Variants in ONECUT1 observed in about 807,000 individuals in gnomAD.
ONECUT1 encodes the protein hepatocyte nuclear factor 6.
ONECUT1 carries 12 observed loss-of-function variants against 25.6 expected under a neutral mutation model. The observed-to-expected ratio is 0.47, with a 90% CI of 0.30 to 0.76. The LOEUF is 0.76. Among genes scored for constraint, ONECUT1 ranks in the 30% least tolerant of loss-of-function variants. ONECUT1 has a pLI of 0.07. For missense variants in ONECUT1, 620 were observed against 651.2 expected (o/e 0.95, Z 0.52); for synonymous variants, 285 against 270.2 (o/e 1.05, Z -0.54).
At chr15:52,780,639 T>G in intron 1 of ONECUT1, 6 of 1,535,390 alleles carry the variant, frequency 3.9e-6, no homozygotes, top group Non-Finnish European at 5.2e-6. Flanking sequence ...TCGAATCGCT[T>G]TAGCCACTCC....
At chr15:52,758,826 T>G (rs999189764) in intron 1 of ONECUT1, among the ~76,000 whole-genome samples, 2 of 152,146 alleles carry the variant, frequency 1.3e-5, no homozygotes, top group African/African-American at 4.8e-5. Flanking sequence ...TCCACCCTAA[T>G]GAGGCTCACT....
At position 52,789,012 on chromosome 15, in the gene ONECUT1, C is replaced by T. The variant is rs1456018098; in HGVS notation, c.873G>A (p.Glu291=). The change falls in exon 1 of 2, where the codon GAG becomes GAA. Residue 291 remains glutamate (E), a synonymous_variant. Transcript: ENST00000305901. The surrounding 1 kb of genome is among the most constrained non-coding windows in gnomAD (Gnocchi z 4.1). The part of the protein sequence containing the change: ...SNGSNSGQME[E]INTKEVAQRI... ...GCTGCGCCACCTCTTTGGTATTGAT[C>T]TCTTCCATCTGCCCTGAATTACTTC... The T allele has an allele frequency of 4.4e-6, 7 of 1,608,820 alleles. No homozygotes were observed. The highest frequency in any genetic ancestry group is 1.3e-5 in the African/African-American group (1 of 74,936).
chr15:52,785,929 A>C (rs946751185), intron 1 of ONECUT1: 1 of 152,250 alleles, frequency 6.6e-6, no homozygotes, highest in Admixed American at 6.5e-5. Context: ...GCTGCCGGCA[A>C]CTGGAGGACA....
At chr15:52,774,900 T>A (rs1485114699) in intron 1 of ONECUT1, among the ~76,000 whole-genome samples, 2 of 152,230 alleles carry the variant, frequency 1.3e-5, no homozygotes, top group Non-Finnish European at 2.9e-5. Flanking sequence ...AGCTTGCATT[T>A]TGAACATCTT....
chr15:52,779,240 C>A (rs117167250), intron 1 of ONECUT1, among the ~76,000 whole-genome samples: 1 of 151,882 alleles, frequency 6.6e-6, no homozygotes, highest in Non-Finnish European at 1.5e-5. Context: ...CAGGCCACCA[C>A]ACCCGGCTAA....
chr15:52,776,429 A>C (rs535895086), intron 1 of ONECUT1, among the ~76,000 whole-genome samples: 56 of 152,040 alleles, frequency 3.7e-4, no homozygotes, highest in African/African-American at 1.3e-3. Flanking sequence ...TTTGCCACCC[A>C]TTTTCTCCAC....
rs777329404 is a variant in ONECUT1 at position 52,789,284 on chromosome 15, C to A, written c.601G>T (p.Ala201Ser). ...GTGGGCATGGCGGCCCCCGGGTGGG[C>A]ATAGTGGGGGAGCCCTTGCTGGGAG... ...HNSQQGLPHY[A>S]HPGAAMPTDK... Residue 201 changes from alanine to serine, a missense_variant, in exon 1 of 2, where the codon GCC becomes TCC. Physicochemically the swap from Ala to Ser is moderately conservative, Grantham distance 99. Transcript: ENST00000305901. The surrounding 1 kb of genome is among the most constrained non-coding windows in gnomAD (Gnocchi z 4.1). 3.9e-6 allele frequency: 6 copies of A among 1,553,230 alleles called. No homozygotes were observed. The East Asian group carries it at 9.0e-5, about 23-fold the overall frequency.
Position 52,757,360 on chromosome 15 carries a change from C to T in ONECUT1, c.*195G>A. 1.7e-6 allele frequency: 1 copy of T among 589,192 alleles called. No homozygotes were observed. The highest frequency in any genetic ancestry group is 2.9e-6 in the Non-Finnish European group (1 of 349,916). The allele number at this position is 589,192 out of a possible 1,614,324, so 36.5% of individuals were successfully genotyped here. A position where few individuals can be genotyped will look rare whatever the true frequency, so the allele number is the denominator to read the frequency against. ...ATCATTTGTCTTGCCAAGTCGCCGC[C>T]CTGCTGAAGTGTGTGTCTCCAAACA... On this transcript the variant is annotated 3_prime_UTR_variant, in exon 2 of 2. Transcript: ENST00000305901.
chr15:52,779,309 C>T (rs189624394), intron 1 of ONECUT1, among the ~76,000 whole-genome samples: 29 of 151,908 alleles, frequency 1.9e-4, no homozygotes, highest in Middle Eastern at 3.4e-3. Flanking sequence ...AGGATGGTCT[C>T]GATCTCCTGA....
chr15:52,765,851 A>G, intron 1 of ONECUT1, among the ~76,000 whole-genome samples: 1 of 152,268 alleles, frequency 6.6e-6, no homozygotes, highest in Middle Eastern at 3.2e-3. Flanking sequence ...GCAAATTCAG[A>G]GGGCACAGCC....
rs1420572285 is a variant in ONECUT1 at position 52,784,345 on chromosome 15, C to A, written c.1105+4435G>T. On this transcript the variant is annotated intron_variant, in intron 1 of 1. Transcript: ENST00000305901. This position sits in a 1 kb window ranked among gnomAD's most constrained non-coding sequence, Gnocchi z 5.0. ...GGGTCAGGCTGGTCGCCCCAGCTAC[C>A]GGGATCCCTCTCCGGATGCTTCCAG... Among the ~76,000 whole-genome samples, 2 of 152,216 alleles carry A rather than the reference C, an allele frequency of 1.3e-5. No individual in the cohort carries two copies. The highest frequency in any genetic ancestry group is 2.9e-5 in the Non-Finnish European group (2 of 68,042).
rs2141443449 is a variant in ONECUT1, at chr15:52,757,865, A to C, written c.1106-18T>G. 6.2e-7 allele frequency: 1 copy of C among 1,608,036 alleles called. No individual in the cohort carries two copies. Among genetic ancestry groups the C allele is most frequent in the Non-Finnish European group, 8.5e-7 (1 of 1,176,738 alleles). On this transcript the variant is annotated intron_variant, in intron 1 of 1. Coordinates refer to ENST00000305901, the MANE Select transcript of ONECUT1 (RefSeq NM_004498.4). ...TTTGCATGCTGTGAAGAAACACAGA[A>C]GATGTTAGAACAAATGGTCTAGGGG...
chr15:52,783,727 G>A (rs913340220), intron 1 of ONECUT1, among the ~76,000 whole-genome samples: 3 of 152,244 alleles, frequency 2.0e-5, no homozygotes, highest in African/African-American at 4.8e-5. Flanking sequence ...GACCGCCAGG[G>A]TCACCTTCTC....
At position 52,767,099 on chromosome 15, in the gene ONECUT1, G is replaced by A. The variant is rs184157650; in HGVS notation, c.1106-9252C>T. On this transcript the variant is annotated intron_variant, in intron 1 of 1. Transcript: ENST00000305901. Reference sequence around the variant, plus strand: ...TATTCTCTCTCTAGTTGACGAATGAGCAGCCTGAATCTCGGTGAGGTTAAG... The same window carrying A: ...TATTCTCTCTCTAGTTGACGAATGAACAGCCTGAATCTCGGTGAGGTTAAG... 5.2e-4 allele frequency among the ~76,000 whole-genome samples: 79 copies of A among 152,202 alleles called. 1 individual carries two copies. Among genetic ancestry groups the A allele is most frequent in the African/African-American group, 1.7e-3 (69 of 41,516 alleles).
chr15:52,785,347 C>A lies in ONECUT1; in HGVS notation c.1105+3433G>T, dbSNP rs560133670. Among the ~76,000 whole-genome samples the A allele has an allele frequency of 1.4e-4, 21 of 152,318 alleles. No homozygotes were observed. In the South Asian group the frequency reaches 4.4e-3, roughly 32 times the overall value. ...TTCTCATGGCCGCCCCCCGACCGAA[C>A]CCCTCCCCCCTTGGCTCAGGTCCTT... On this transcript the variant is annotated intron_variant, in intron 1 of 1. Transcript: ENST00000305901.
chr15:52,777,820 G>T (rs371364750), intron 1 of ONECUT1, among the ~76,000 whole-genome samples: 1 of 151,640 alleles, frequency 6.6e-6, no homozygotes, highest in African/African-American at 2.4e-5. Flanking sequence ...TTCCATTCCC[G>T]GTCCTGAGCA....
chr15:52,772,993 G>A (rs747600476), intron 1 of ONECUT1, among the ~76,000 whole-genome samples: 13 of 152,290 alleles, frequency 8.5e-5, no homozygotes, highest in Middle Eastern at 3.4e-3. Flanking sequence ...TTGTTAAAAC[G>A]TGACAAGCCA....
chr15:52,777,729 C>CAAAAAAAAAAAAAAAA (rs1309303644), intron 1 of ONECUT1, among the ~76,000 whole-genome samples: 13 of 87,378 alleles, frequency 1.5e-4, no homozygotes, highest in African/African-American at 9.9e-4. Flanking sequence ...CACACACACA[C>CAAAAAAAAAAAAAAAA]ACACACACAA....
In ONECUT1 at chr15:52,789,266, T is replaced by C. The variant is rs1471026019; in HGVS notation, c.619A>G (p.Met207Val). 4.5e-6 allele frequency: 7 copies of C among 1,547,170 alleles called. No individual in the cohort carries two copies. The highest frequency in any genetic ancestry group is 5.2e-6 in the Non-Finnish European group (6 of 1,147,258). Residue 207 changes from methionine to valine, a missense_variant, in exon 1 of 2, where the codon ATG becomes GTG. Physicochemically the swap from Met to Val is conservative, Grantham distance 21 (BLOSUM62 1). Around this residue, in one of 4 missense-constraint regions of ONECUT1, gnomAD observed 440 missense variants for 404.9 expected, o/e 1.09. Transcript: ENST00000305901. The surrounding 1 kb of genome is among the most constrained non-coding windows in gnomAD (Gnocchi z 4.1). ...GGGGTGAGCATCTTGTCGGTGGGCA[T>C]GGCGGCCCCCGGGTGGGCATAGTGG... ...LPHYAHPGAA[M>V]PTDKMLTPNG...
Sources: gnomAD v4.1 joint callset for allele counts (sites outside exome capture counted in the v4.1 genomes callset) on GRCh38, gnomAD v4.1.1 for gene constraint, gnomAD v4.1.1 regional missense constraint, Gnocchi (gnomAD v3.1) non-coding constraint, MANE v1.5 for transcripts, NCBI Gene and HGNC (gene_info 2026-07-23, HGNC 2026-07-21) for gene names.